MECOM: variants seen among roughly 807,000 people sequenced by gnomAD.
The protein encoded by MECOM is MDS1 and EVI1 complex locus.
In MECOM, 13 loss-of-function variants were observed where a neutral mutation model predicts 116.3. The ratio of observed to expected loss-of-function variants is 0.11; its 90% CI spans 0.07 to 0.18. The LOEUF is 0.18. MECOM is among the 10% of genes least tolerant of loss of function. The pLI, the probability that MECOM is intolerant of heterozygous loss-of-function variation, is 1.00. For missense variants in MECOM, 1,299 were observed against 1,509.0 expected, an observed-to-expected ratio of 0.86 and a Z score of 2.31; for synonymous variants, 528 against 535.2, an observed-to-expected ratio of 0.99 and a Z score of 0.19.
intron 1 of MECOM, among the ~76,000 whole-genome samples, chr3:169,465,916 C>G (rs1006151708): frequency 4.6e-5 from 7 of 152,176 alleles, no homozygotes; most frequent in Admixed American, 3.3e-4. Flanking sequence ...CTACATTTTA[C>G]CTGATCCTTT....
chr3:169,588,424 G>A lies in MECOM; in HGVS notation c.37+74912C>T, dbSNP rs188683400. On this transcript the variant is annotated intron_variant, in intron 1 of 16. Coordinates refer to ENST00000651503, the MANE Select transcript of MECOM (RefSeq NM_004991.4). ...ATGTGGTTCTCCCCTTCTACAATTC[G>A]TCCCATTAAAAGTTCTGTCATCCTG... Among the ~76,000 whole-genome samples the A allele has an allele frequency of 5.9e-5, 9 of 152,058 alleles. No homozygotes were observed. In the East Asian group the frequency reaches 1.2e-3, roughly 20 times the overall value.
chr3:169,463,400 GA>G, intron 1 of MECOM, among the ~76,000 whole-genome samples: 1 of 152,116 alleles, frequency 6.6e-6, no homozygotes, highest in African/African-American at 2.4e-5. Flanking sequence ...TATTTCAACT[GA>G]AAAAAAGTGT....
intron 12 of MECOM, among the ~76,000 whole-genome samples, chr3:169,099,741 C>T (rs1361997683): frequency 6.6e-6 from 1 of 152,058 alleles, no homozygotes; most frequent in Non-Finnish European, 1.5e-5. Flanking sequence ...TATGATATTA[C>T]TTAAGTTGTA....
At chr3:169,277,699 A>G (rs1237782150) in intron 2 of MECOM, among the ~76,000 whole-genome samples, 1 of 152,202 alleles carries the variant, frequency 6.6e-6, no homozygotes, top group Non-Finnish European at 1.5e-5. Context: ...AGATCAGATC[A>G]AGCCTTCCAA....
intron 1 of MECOM, among the ~76,000 whole-genome samples, chr3:169,487,223 A>C (rs1752488763): frequency 6.6e-6 from 1 of 152,206 alleles, no homozygotes; most frequent in Admixed American, 6.5e-5. Context: ...CCCGGAAGGA[A>C]GGAGTAGGAT....
chr3:169,322,348 C>T (rs973692645), intron 2 of MECOM, among the ~76,000 whole-genome samples: 1 of 152,254 alleles, frequency 6.6e-6, no homozygotes, highest in Non-Finnish European at 1.5e-5. Context: ...AGGGCTAACA[C>T]CCAATTTTAT....
At position 169,228,876 on chromosome 3, in the gene MECOM, T is replaced by G. The variant is rs144042052; in HGVS notation, c.376-85044A>C. 1.5e-3 allele frequency among the ~76,000 whole-genome samples: 235 copies of G among 152,322 alleles called. 1 individual carries two copies. Among genetic ancestry groups the G allele is most frequent in the African/African-American group, 5.3e-3 (221 of 41,572 alleles). On this transcript the variant is annotated intron_variant, in intron 2 of 16. Coordinates refer to ENST00000651503, the MANE Select transcript of MECOM (RefSeq NM_004991.4). Reference sequence around the variant, plus strand: ...TTTATGCTTTTAACTCAAACACACCTTTTAAATCCCAAATTGGGCCACTCT... The same window carrying G: ...TTTATGCTTTTAACTCAAACACACCGTTTAAATCCCAAATTGGGCCACTCT...
chr3:169,642,446 CA>C (rs397950899), intron 1 of MECOM, among the ~76,000 whole-genome samples: 114 of 69,468 alleles, frequency 1.6e-3, no homozygotes, highest in South Asian at 2.0e-3. Context: ...GACTCCATCT[CA>C]AAAAAAAAAA....
At chr3:169,096,661 T>G (rs1721600182) in intron 12 of MECOM, among the ~76,000 whole-genome samples, 1 of 152,154 alleles carries the variant, frequency 6.6e-6, no homozygotes, top group Non-Finnish European at 1.5e-5. Context: ...CTCCTCCCAC[T>G]TCTGAATGCA....
intron 1 of MECOM, among the ~76,000 whole-genome samples, chr3:169,442,536 A>T (rs184937631): frequency 4.3e-4 from 65 of 152,348 alleles, no homozygotes; most frequent in African/African-American, 1.5e-3. Flanking sequence ...GGGTATACTA[A>T]TGTAATCTCT....
chr3:169,635,687 A>C (rs1772653948), intron 1 of MECOM, among the ~76,000 whole-genome samples: 1 of 152,226 alleles, frequency 6.6e-6, no homozygotes, highest in South Asian at 2.1e-4. Flanking sequence ...GGCTGCATGT[A>C]CTCTGGCTGT....
At chr3:169,391,473 C>A (rs1220477332) in intron 1 of MECOM, among the ~76,000 whole-genome samples, 1 of 152,068 alleles carries the variant, frequency 6.6e-6, no homozygotes, top group African/African-American at 2.4e-5. Context: ...TAAAGGCCCC[C>A]ATATTGAGTT....
chr3:169,238,276 C>T (rs773357682), intron 2 of MECOM, among the ~76,000 whole-genome samples: 1 of 151,948 alleles, frequency 6.6e-6, no homozygotes, highest in Non-Finnish European at 1.5e-5. Flanking sequence ...GATAATTAGC[C>T]CACAAATGCC....
At chr3:169,630,436 C>G (rs1021021116) in intron 1 of MECOM, among the ~76,000 whole-genome samples, 2 of 141,380 alleles carry the variant, frequency 1.4e-5, no homozygotes, top group African/African-American at 2.7e-5. Flanking sequence ...GGAAATTCTG[C>G]CCCCAAATTT....
chr3:169,195,336 G>A (rs900571482), intron 2 of MECOM, among the ~76,000 whole-genome samples: 1 of 152,034 alleles, frequency 6.6e-6, no homozygotes, highest in Admixed American at 6.6e-5. Flanking sequence ...CCGTCATATT[G>A]AGAATGCAAG....
At chr3:169,410,015 G>A in intron 1 of MECOM, among the ~76,000 whole-genome samples, 1 of 152,174 alleles carries the variant, frequency 6.6e-6, no homozygotes, top group East Asian at 1.9e-4. Flanking sequence ...AATGAAATCT[G>A]AGGCCTAATT....
intron 1 of MECOM, among the ~76,000 whole-genome samples, chr3:169,412,040 C>CT (rs1321351444): frequency 6.6e-6 from 1 of 151,816 alleles, no homozygotes; most frequent in African/African-American, 2.4e-5. Flanking sequence ...AATCCCAGCA[C>CT]TTTGGGAGGC....
chr3:169,623,008 T>G (rs1050566436), intron 1 of MECOM, among the ~76,000 whole-genome samples: 1 of 152,220 alleles, frequency 6.6e-6, no homozygotes, highest in Non-Finnish European at 1.5e-5. Context: ...GAACACTTCT[T>G]TAGTATACAT....
chr3:169,148,471 C>T (rs1457360491), intron 2 of MECOM, among the ~76,000 whole-genome samples: 2 of 152,152 alleles, frequency 1.3e-5, no homozygotes, highest in Admixed American at 6.5e-5. Flanking sequence ...TTATTCATGG[C>T]CAACTTTGTA....
Sources: allele counts gnomAD v4.1 joint callset (sites outside exome capture counted in the v4.1 genomes callset), GRCh38; gene constraint gnomAD v4.1.1; transcripts MANE v1.5; gene names NCBI Gene and HGNC (gene_info 2026-07-23, HGNC 2026-07-21).